The following TRAP1 variants were observed in gnomAD, a reference collection of about 807,000 sequenced individuals.
TRAP1 encodes the protein TNF receptor associated protein 1.
Under a neutral mutation model 89.1 loss-of-function variants are expected in TRAP1, and 102 were observed. The observed-to-expected ratio is 1.15, with a 90% CI of 0.98 to 1.35. The LOEUF is 1.35. Among genes scored for constraint, TRAP1 ranks in the 40% most tolerant of loss-of-function variants. The pLI is 0.00. For missense variants in TRAP1, 1,256 were observed against 945.3 expected, an observed-to-expected ratio of 1.33 and a Z score of -4.31; for synonymous variants, 508 against 388.0, an observed-to-expected ratio of 1.31 and a Z score of -3.64.
At position 3,679,840 on chromosome 16, in the gene TRAP1, G is replaced by C. The variant is rs369714892; in HGVS notation, c.472-50C>G. On this transcript the variant is annotated intron_variant, in intron 4 of 17. Coordinates refer to ENST00000246957, the MANE Select transcript of TRAP1 (RefSeq NM_016292.3). ...CCAAGCCCCCAGCACCTGGGGAGCC[G>C]GGTGAGTGCACCAGCAGTCCCAGGG... is the stretch of plus-strand genomic sequence containing the variant. 14 of 1,586,370 alleles carry C rather than the reference G, an allele frequency of 8.8e-6. No homozygotes were observed. The South Asian group carries it at 1.2e-4, about 14-fold the overall frequency.
intron 1 of TRAP1, among the ~76,000 whole-genome samples, chr16:3,696,308 G>A (rs190192470): frequency 6.6e-6 from 1 of 152,184 alleles, no homozygotes; most frequent in Non-Finnish European, 1.5e-5. Context: ...GGGTGTGTCA[G>A]GAGAACACAC....
At chr16:3,675,249 T>A in intron 8 of TRAP1, 75 bp downstream of exon 8, 1 of 1,473,110 alleles carries the variant, frequency 6.8e-7, no homozygotes. Context: ...CCTGGGCTCA[T>A]CTCTTCTCCG....
intron 3 of TRAP1, 49 bp downstream of exon 3, chr16:3,689,006 T>C (rs1436825816): frequency 3.9e-6 from 6 of 1,539,242 alleles, no homozygotes; most frequent in Non-Finnish European, 5.3e-6. Context: ...AAACCAGCTT[T>C]GTGAAAAGAA....
chr16:3,680,274 C>T (rs1433381716), intron 4 of TRAP1: 1 of 155,544 alleles, frequency 6.4e-6, no homozygotes, highest in Admixed American at 6.3e-5. Context: ...TAATTCTAGT[C>T]ATAGCAGCTT....
chr16:3,659,756 G>GTCT (rs2042958141), intron 16 of TRAP1: 1 of 131,200 alleles, frequency 7.6e-6, no homozygotes, highest in South Asian at 2.2e-4. Flanking sequence ...TTTTTAGATA[G>GTCT]ATAGATAGAT....
chr16:3,661,678 A>C, intron 16 of TRAP1: 1 of 323,122 alleles, frequency 3.1e-6, no homozygotes. Flanking sequence ...TCCACGTACA[A>C]AGCTCAAAAC....
chr16:3,658,747 G>T, intron 17 of TRAP1, 46 bp downstream of exon 17: 1 of 1,572,052 alleles, frequency 6.4e-7, no homozygotes. Context: ...GGCTGGCAGG[G>T]CTGGTAGCCT....
chr16:3,669,475 T>TA (rs2050881337), intron 11 of TRAP1, among the ~76,000 whole-genome samples: 1 of 152,114 alleles, frequency 6.6e-6, no homozygotes, highest in South Asian at 2.1e-4. Context: ...TTTATATAGT[T>TA]ATATCTTCCG....
At chr16:3,714,384 G>A (rs898901752) in intron 1 of TRAP1, among the ~76,000 whole-genome samples, 1 of 152,238 alleles carries the variant, frequency 6.6e-6, no homozygotes, top group African/African-American at 2.4e-5. Context: ...GGGTAGGCCA[G>A]GCGCAGTGGC....
At chr16:3,661,843 AACTGCAT>A (rs2043094433) in intron 16 of TRAP1, 137 bp downstream of exon 16, 1 of 1,119,524 alleles carries the variant, frequency 8.9e-7, no homozygotes. Context: ...GTGCAGCCTA[AACTGCAT>A]ACAGCTCCTT....
intron 3 of TRAP1, among the ~76,000 whole-genome samples, chr16:3,687,937 G>A (rs888360530): frequency 6.6e-6 from 1 of 151,726 alleles, no homozygotes; most frequent in Non-Finnish European, 1.5e-5. Flanking sequence ...TAGGTGAAGA[G>A]GAAGCGGTGG....
chr16:3,690,258 G>A (rs747721690), intron 2 of TRAP1, among the ~76,000 whole-genome samples: 12 of 152,006 alleles, frequency 7.9e-5, no homozygotes, highest in South Asian at 2.1e-4. Context: ...CTCCTGCCTC[G>A]GCCTCCCAAA....
At chr16:3,685,961 G>A (rs373810787) in intron 4 of TRAP1, 35 bp downstream of exon 4, 49 of 1,602,632 alleles carry the variant, frequency 3.1e-5, no homozygotes, top group African/African-American at 2.7e-4. Context: ...CTGCATGGCC[G>A]GGCCTGCCAC....
intron 15 of TRAP1, 59 bp from the exon 16 acceptor site, chr16:3,662,191 G>A: frequency 5.7e-6 from 9 of 1,569,966 alleles, no homozygotes; most frequent in Non-Finnish European, 7.8e-6. Context: ...AGGGCTGGCA[G>A]GATCTTACCA....
intron 1 of TRAP1, among the ~76,000 whole-genome samples, chr16:3,697,776 A>G (rs2051309421): frequency 6.6e-6 from 1 of 150,856 alleles, no homozygotes; most frequent in Non-Finnish European, 1.5e-5. Context: ...TTTTTCCCCA[A>G]TTAATATGCA....
chr16:3,662,625 C>G (rs760370772), intron 15 of TRAP1: 1 of 663,840 alleles, frequency 1.5e-6, no homozygotes, highest in Non-Finnish European at 2.8e-6. Context: ...GCAGCTCCCA[C>G]TCAGGATGCT....
chr16:3,671,033 G>A (rs1166405342), intron 11 of TRAP1, among the ~76,000 whole-genome samples: 3 of 152,136 alleles, frequency 2.0e-5, no homozygotes, highest in Admixed American at 6.5e-5. Context: ...GAGAGAAACC[G>A]GTGGGCAGAG....
intron 1 of TRAP1, among the ~76,000 whole-genome samples, chr16:3,695,563 G>C (rs950685928): frequency 2.0e-5 from 3 of 147,810 alleles, no homozygotes; most frequent in Non-Finnish European, 4.5e-5. Flanking sequence ...AAAAGAAAAA[G>C]AAAAAGAAAA....
At chr16:3,675,890 C>CT (rs1246463664) in intron 7 of TRAP1, 146 bp downstream of exon 7, 30 of 698,608 alleles carry the variant, frequency 4.3e-5, no homozygotes, top group Middle Eastern at 4.1e-4. Context: ...GGCAGCCCCC[C>CT]TCCCAGTCCC....
Sources: gnomAD v4.1 joint callset for allele counts (sites outside exome capture counted in the v4.1 genomes callset) on GRCh38, gnomAD v4.1.1 for gene constraint, MANE v1.5 for transcripts, NCBI Gene and HGNC (gene_info 2026-07-23, HGNC 2026-07-21) for gene names.